The following CAND1 variants were observed in gnomAD, a reference collection of about 807,000 sequenced individuals.
CAND1 encodes cullin-associated NEDD8-dissociated protein 1.
Under a neutral mutation model 108.5 loss-of-function variants are expected in CAND1, and 7 were observed. The ratio of observed to expected loss-of-function variants is 0.06; its 90% CI spans 0.04 to 0.12. The LOEUF (loss-of-function observed/expected upper bound fraction) is 0.12. Ranked by LOEUF, CAND1 falls within the 10% of genes least tolerant of loss-of-function variation. The pLI is 1.00. For synonymous variants in CAND1, 534 were observed against 512.0 expected (o/e 1.04, Z -0.58); for missense variants, 941 against 1,448.7 (o/e 0.65, Z 5.69).
At chr12:67,297,326 G>A in intron 4 of CAND1, 81 bp from the exon 5 acceptor site, 1 of 1,279,228 alleles carries the variant, frequency 7.8e-7, no homozygotes, top group Non-Finnish European at 1.1e-6. Context: ...TTTGCATTGA[G>A]GTCAGAGGCC....
rs2045028065 is a variant in CAND1, at chr12:67,318,272, C to A, written c.*5442C>A. On this transcript the variant is annotated 3_prime_UTR_variant, in exon 15 of 15. Coordinates refer to ENST00000545606, the MANE Select transcript of CAND1 (RefSeq NM_018448.5). The stretch of plus-strand genomic sequence containing the variant: ...CTCCAGCCTGGGTGACAAAGCGAGA[C>A]CCTGTCTCAAAAAAAACAAGGACTC... The A allele has an allele frequency of 6.6e-6, 1 of 152,198 alleles. No individual in the cohort carries two copies. The highest frequency in any genetic ancestry group is 1.5e-5 in the Non-Finnish European group (1 of 68,092). The allele number at this position is 152,198 out of a possible 1,614,324, so 9.4% of individuals were successfully genotyped here.
In CAND1 at chr12:67,306,099, C is replaced by T; in HGVS notation, c.2431C>T (p.Pro811Ser). 4 of 1,613,940 alleles carry T rather than the reference C, an allele frequency of 2.5e-6. No individual in the cohort carries two copies. The highest frequency in any genetic ancestry group is 2.5e-6 in the Non-Finnish European group (3 of 1,179,980). Residue 811 changes from proline (P) to serine (S), a missense_variant, in exon 10 of 15, where the codon CCT becomes TCT. Pro to Ser is a moderately conservative substitution (Grantham distance 74, BLOSUM62 -1). Transcript: ENST00000545606. ...TGTAGCTGCCCTTACTCGAGCATGC[C>T]CTAAAGAGGGACCAGCTGTAGTAGG... is the stretch of plus-strand genomic sequence containing the variant. ...KCVAALTRACPKEGPAVVGQF... is the reference protein window; with the variant it reads ...KCVAALTRACSKEGPAVVGQF...
chr12:67,305,454 A>G lies in CAND1; in HGVS notation c.1786A>G (p.Ile596Val). 6.2e-7 allele frequency: 1 copy of G among 1,613,708 alleles called. No individual in the cohort carries two copies. Among genetic ancestry groups the G allele is most frequent in the East Asian group, 2.2e-5 (1 of 44,886 alleles). Residue 596 changes from isoleucine (I) to valine (V), a missense_variant, in exon 10 of 15, where the codon ATT (isoleucine) becomes GTT (valine). Ile to Val is a conservative substitution (Grantham distance 29). Around this residue, in one of 9 missense-constraint regions of CAND1, gnomAD observed 697 missense variants for 942.0 expected, o/e 0.74. Transcript: ENST00000545606. This position sits in a 1 kb window ranked among gnomAD's most constrained non-coding sequence, Gnocchi z 4.4. ...AAGGGCTATTTCCTGTATGGGACAA[A>G]TTATTTGCAACCTTGGAGACAATTT... ...KERAISCMGQ[I>V]ICNLGDNLGS...
intron 2 of CAND1, 78 bp from the exon 3 acceptor site, chr12:67,292,544 T>G: frequency 9.9e-7 from 1 of 1,010,398 alleles, no homozygotes; most frequent in Non-Finnish European, 1.4e-6. Flanking sequence ...GGCGGAAAGG[T>G]TAACATTTCT....
intron 2 of CAND1, among the ~76,000 whole-genome samples, chr12:67,284,481 A>G (rs1253942585): frequency 2.6e-5 from 4 of 152,192 alleles, no homozygotes; most frequent in African/African-American, 7.2e-5. Flanking sequence ...ATAAGAGTCA[A>G]CATTGAATCT....
intron 6 of CAND1, 148 bp from the exon 7 acceptor site, chr12:67,298,802 A>G (rs971337503): frequency 1.0e-5 from 6 of 583,916 alleles, no homozygotes; most frequent in Middle Eastern, 4.4e-4. Context: ...TAGTAAGTCC[A>G]TGGGAGAGAA....
chr12:67,282,136 T>A (rs1485383951), intron 2 of CAND1, 83 bp downstream of exon 2: 2 of 1,399,142 alleles, frequency 1.4e-6, no homozygotes, highest in African/African-American at 2.9e-5. Context: ...TAGTAAATTA[T>A]CTTAGCCTTG....
At chr12:67,290,396 A>G (rs568342782) in intron 2 of CAND1, among the ~76,000 whole-genome samples, 2 of 152,200 alleles carry the variant, frequency 1.3e-5, no homozygotes, top group African/African-American at 2.4e-5. Flanking sequence ...TTGTAGTCCC[A>G]GCTACTTGGG....
chr12:67,304,663 G>C lies in CAND1; in HGVS notation c.1352G>C (p.Arg451Pro). The change falls in exon 9 of 15, where the codon CGA becomes CCA. Residue 451 changes from arginine (R) to proline (P), a missense_variant. Arg to Pro is a moderately radical substitution (Grantham distance 103). Coordinates refer to ENST00000545606, the MANE Select transcript of CAND1 (RefSeq NM_018448.5). The part of the protein sequence containing the change: ...KQMKEKSVKT[R>P]QCCFNMLTEL... Reference sequence around the variant, plus strand: ...ATGAAAGAAAAAAGTGTGAAGACCCGACAGTGTTGTTTTAACATGTTAACT... The same window carrying C: ...ATGAAAGAAAAAAGTGTGAAGACCCCACAGTGTTGTTTTAACATGTTAACT... 6.2e-7 allele frequency: 1 copy of C among 1,613,824 alleles called. No individual in the cohort carries two copies. Among genetic ancestry groups the C allele is most frequent in the Non-Finnish European group, 8.5e-7 (1 of 1,179,896 alleles).
At chr12:67,292,198 C>T (rs192118897) in intron 2 of CAND1, among the ~76,000 whole-genome samples, 1 of 152,114 alleles carries the variant, frequency 6.6e-6, no homozygotes, top group African/African-American at 2.4e-5. Flanking sequence ...TTGTGCCAGC[C>T]ATGGTGTTGT....
chr12:67,303,015 A>G (rs1244164009), intron 8 of CAND1, among the ~76,000 whole-genome samples: 1 of 152,140 alleles, frequency 6.6e-6, no homozygotes, highest in Non-Finnish European at 1.5e-5. Context: ...GTACTTAGAA[A>G]TATCTACCTG....
At chr12:67,286,212 A>G (rs913537638) in intron 2 of CAND1, among the ~76,000 whole-genome samples, 2 of 152,100 alleles carry the variant, frequency 1.3e-5, no homozygotes, top group Non-Finnish European at 2.9e-5. Flanking sequence ...GGGTTTCACC[A>G]TGTTAGCCAG....
chr12:67,290,744 ACTT>A (rs2044714874), intron 2 of CAND1, among the ~76,000 whole-genome samples: 1 of 152,076 alleles, frequency 6.6e-6, no homozygotes, highest in African/African-American at 2.4e-5. Context: ...GAATACAGTG[ACTT>A]CTTAATATAG....
chr12:67,306,680 C>A, intron 10 of CAND1, 83 bp downstream of exon 10: 1 of 1,060,786 alleles, frequency 9.4e-7, no homozygotes, highest in Non-Finnish European at 1.4e-6. Context: ...GAAGTTAAGC[C>A]ATGTCTATAT....
intron 1 of CAND1, among the ~76,000 whole-genome samples, chr12:67,275,321 G>T (rs188215011): frequency 1.0e-3 from 153 of 152,266 alleles, no homozygotes; most frequent in African/African-American, 3.5e-3. Context: ...GAGGTCAGGA[G>T]TTCATGACCA....
In CAND1 at chr12:67,310,178, G is replaced by T. The variant is rs746394296; in HGVS notation, c.3222G>T (p.Thr1074=). 2.5e-6 allele frequency: 4 copies of T among 1,612,792 alleles called. No individual in the cohort carries two copies. The highest frequency in any genetic ancestry group is 1.7e-6 in the Non-Finnish European group (2 of 1,179,188). Residue 1074 remains threonine, a synonymous_variant, in exon 13 of 15, where the codon ACG becomes ACT. Coordinates refer to ENST00000545606, the MANE Select transcript of CAND1 (RefSeq NM_018448.5). ...REVEMGPFKH[T]VDDGLDIRKA... Reference sequence around the variant, plus strand: ...TAGAAATGGGTCCATTTAAACATACGGTTGATGATGGTCTGGATATTAGAA... The same window carrying T: ...TAGAAATGGGTCCATTTAAACATACTGTTGATGATGGTCTGGATATTAGAA...
At chr12:67,290,503 G>C (rs1294253537) in intron 2 of CAND1, among the ~76,000 whole-genome samples, 1 of 151,244 alleles carries the variant, frequency 6.6e-6, no homozygotes. Context: ...AAGCAAGACA[G>C]TGTCTCAAAA....
At chr12:67,285,425 A>C (rs2044661351) in intron 2 of CAND1, among the ~76,000 whole-genome samples, 1 of 152,194 alleles carries the variant, frequency 6.6e-6, no homozygotes. Context: ...AATTGACTAA[A>C]GTATATTAGG....
intron 3 of CAND1, among the ~76,000 whole-genome samples, chr12:67,293,753 C>CA (rs902335058): frequency 1.0e-4 from 15 of 148,802 alleles, no homozygotes; most frequent in African/African-American, 2.5e-4. Context: ...AACTCCGTGT[C>CA]AAAAAAAAAT....
Sources: allele counts gnomAD v4.1 joint callset (sites outside exome capture counted in the v4.1 genomes callset), GRCh38; gene constraint gnomAD v4.1.1; regional missense constraint gnomAD v4.1.1; non-coding constraint Gnocchi (gnomAD v3.1); transcripts MANE v1.5; gene names NCBI Gene and HGNC (gene_info 2026-07-23, HGNC 2026-07-21).